Variants in AGO2 observed in about 807,000 individuals in gnomAD.
AGO2 encodes protein argonaute-2.
In AGO2, 5 loss-of-function variants were observed where a neutral mutation model predicts 102.3. The ratio of observed to expected loss-of-function variants is 0.05; its 90% CI spans 0.03 to 0.10. AGO2 has a LOEUF of 0.10. Ranked by LOEUF, AGO2 falls within the 10% of genes least tolerant of loss-of-function variation. AGO2 has a pLI of 1.00. For missense variants in AGO2, 541 were observed against 1,183.7 expected, an observed-to-expected ratio of 0.46 and a Z score of 7.97; for synonymous variants, 449 against 473.1, an observed-to-expected ratio of 0.95 and a Z score of 0.66.
chr8:140,549,985 G>A (rs1391965595), intron 11 of AGO2, among the ~76,000 whole-genome samples: 2 of 152,200 alleles, frequency 1.3e-5, no homozygotes, highest in African/African-American at 4.8e-5. Flanking sequence ...CCAATTTCCT[G>A]TACATTAGAT....
chr8:140,539,487 A>T lies in AGO2; in HGVS notation c.2035-33T>A. ...TACGGGAGGGAGGAGGTTGTGCTTA[A>T]AGATGGTAGTGCATGTGAGCAACGG... is the stretch of plus-strand genomic sequence containing the variant. On this transcript the variant is annotated intron_variant, in intron 15 of 18. Coordinates refer to ENST00000220592, the MANE Select transcript of AGO2 (RefSeq NM_012154.5). The surrounding 1 kb of genome is among the most constrained non-coding windows in gnomAD (Gnocchi z 4.7). The T allele has an allele frequency of 1.3e-6, 2 of 1,593,462 alleles. No homozygotes were observed. Among genetic ancestry groups the T allele is most frequent in the South Asian group, 1.1e-5 (1 of 88,590 alleles).
chr8:140,585,790 G>A (rs1385975416), intron 1 of AGO2, among the ~76,000 whole-genome samples: 4 of 152,050 alleles, frequency 2.6e-5, no homozygotes, highest in South Asian at 4.1e-4. Context: ...ATAATAGAAC[G>A]CTTTCAATTT....
Position 140,589,994 on chromosome 8 carries a change from C to T in AGO2, c.23-4683G>A, listed in dbSNP as rs1345130174. 6.6e-6 allele frequency among the ~76,000 whole-genome samples: 1 copy of T among 152,226 alleles called. No homozygotes were observed. Among genetic ancestry groups the T allele is most frequent in the Non-Finnish European group, 1.5e-5 (1 of 68,044 alleles). ...ATGGCAGCTTTTTTGGTGAAATGGA[C>T]AGAGACGGTCTCAGAATGTGTGCTG... On this transcript the variant is annotated intron_variant, in intron 1 of 18. Coordinates refer to ENST00000220592, the MANE Select transcript of AGO2 (RefSeq NM_012154.5). The surrounding 1 kb of genome is among the most constrained non-coding windows in gnomAD (Gnocchi z 4.2).
At chr8:140,607,105 T>A (rs4961224) in intron 1 of AGO2, among the ~76,000 whole-genome samples, 2 of 151,766 alleles carry the variant, frequency 1.3e-5, no homozygotes, top group African/African-American at 4.8e-5. Flanking sequence ...CGAAATTAGC[T>A]GGGCGTGGTG....
In AGO2 at chr8:140,633,716, C is replaced by T. The variant is rs189266011; in HGVS notation, c.22+1769G>A. ...GGTTATAGGGCTTGAAAGGGACTGC[C>T]CTGAGGAAGGCACCCAGAGAACCAG... On this transcript the variant is annotated intron_variant, in intron 1 of 18. Coordinates refer to ENST00000220592, the MANE Select transcript of AGO2 (RefSeq NM_012154.5). Among the ~76,000 whole-genome samples the T allele has an allele frequency of 6.6e-5, 10 of 152,260 alleles. No individual in the cohort carries two copies. In the East Asian group the frequency reaches 1.9e-3, roughly 29 times the overall value.
chr8:140,630,236 A>C (rs1222157469), intron 1 of AGO2, among the ~76,000 whole-genome samples: 2 of 152,196 alleles, frequency 1.3e-5, no homozygotes, highest in Non-Finnish European at 2.9e-5. Context: ...AACGCATTGA[A>C]TCTGAGAGGC....
intron 1 of AGO2, among the ~76,000 whole-genome samples, chr8:140,588,660 G>A (rs1425893609): frequency 1.3e-5 from 2 of 150,722 alleles, no homozygotes; most frequent in Non-Finnish European, 3.0e-5. Flanking sequence ...AGGAGGGAGG[G>A]AGGGAAGGAA....
intron 1 of AGO2, among the ~76,000 whole-genome samples, chr8:140,586,729 G>T (rs948462497): frequency 4.6e-5 from 7 of 152,168 alleles, no homozygotes; most frequent in Non-Finnish European, 1.0e-4. Flanking sequence ...TTCTCTCTAC[G>T]CCACACCGGA....
At chr8:140,569,883 T>G (rs1243933267) in intron 3 of AGO2, among the ~76,000 whole-genome samples, 1 of 152,132 alleles carries the variant, frequency 6.6e-6, no homozygotes, top group Non-Finnish European at 1.5e-5. Context: ...ACGGGCCCCC[T>G]GTGCAGAGGC....
At position 140,539,123 on chromosome 8, in the gene AGO2, CA is replaced by C. The variant is rs1246218871; in HGVS notation, c.2169+196del. On this transcript the variant is annotated intron_variant, in intron 16 of 18. Coordinates refer to ENST00000220592, the MANE Select transcript of AGO2 (RefSeq NM_012154.5). The surrounding 1 kb of genome is among the most constrained non-coding windows in gnomAD (Gnocchi z 4.7). ...ATCTTAAAACCCTCCAAAACAACAA[CA>C]AAAAAGCTTCACCAAATCAAGGACA... is the stretch of plus-strand genomic sequence containing the variant. Among the ~76,000 whole-genome samples, 3 of 152,042 alleles carry C rather than the reference CA, an allele frequency of 2.0e-5. No individual in the cohort carries two copies. The highest frequency in any genetic ancestry group is 7.2e-5 in the African/African-American group (3 of 41,398).
At chr8:140,533,759 T>G (rs539376859) in intron 17 of AGO2, among the ~76,000 whole-genome samples, 1 of 149,456 alleles carries the variant, frequency 6.7e-6, no homozygotes, top group South Asian at 2.1e-4. Flanking sequence ...GTGAGCTGAG[T>G]ACACGCCACT....
At chr8:140,535,356 T>A (rs2072678317) in intron 17 of AGO2, 112 bp downstream of exon 17, 1 of 1,131,658 alleles carries the variant, frequency 8.8e-7, no homozygotes, top group Non-Finnish European at 1.3e-6. Context: ...ACTGCCTGTG[T>A]GGGCCCCTCA....
At chr8:140,535,421 C>A in intron 17 of AGO2, 47 bp downstream of exon 17, 1 of 1,588,512 alleles carries the variant, frequency 6.3e-7, no homozygotes, top group Non-Finnish European at 8.6e-7. Context: ...GTGGGGATGA[C>A]ACGGCAGACG....
chr8:140,584,132 T>C (rs1205067129), intron 2 of AGO2, among the ~76,000 whole-genome samples: 3 of 94,692 alleles, frequency 3.2e-5, no homozygotes, highest in Non-Finnish European at 4.5e-5. Context: ...GACAAGAAAC[T>C]CAGTAAAAAA....
intron 2 of AGO2, among the ~76,000 whole-genome samples, chr8:140,574,716 CT>C (rs1182468879): frequency 2.0e-5 from 3 of 151,956 alleles, no homozygotes; most frequent in African/African-American, 7.3e-5. Flanking sequence ...TGCTTAACAT[CT>C]TGATTTTTTA....
In AGO2 at chr8:140,531,848, T is replaced by C; in HGVS notation, c.*196A>G. On this transcript the variant is annotated 3_prime_UTR_variant, in exon 19 of 19. Coordinates refer to ENST00000220592, the MANE Select transcript of AGO2 (RefSeq NM_012154.5). The stretch of plus-strand genomic sequence containing the variant: ...CCATATTTCCTATGACATTGGGTTC[T>C]CATACAGGTCTGCAGTTCAAAATCC... The C allele has an allele frequency of 1.8e-6, 1 of 553,112 alleles. No individual in the cohort carries two copies. The highest frequency in any genetic ancestry group is 2.2e-5 in the South Asian group (1 of 45,608). 34.3% of individuals were successfully genotyped at this position (553,112 alleles called of 1,614,324 possible). A position where few individuals can be genotyped will look rare whatever the true frequency, so the allele number is the denominator to read the frequency against.
At chr8:140,572,781 T>C in intron 3 of AGO2, 31 bp downstream of exon 3, 1 of 1,602,770 alleles carries the variant, frequency 6.2e-7, no homozygotes, top group Non-Finnish European at 8.5e-7. Context: ...CACCGTATGT[T>C]ACTCCACCAA....
At chr8:140,578,462 C>T (rs1008338773) in intron 2 of AGO2, among the ~76,000 whole-genome samples, 4 of 152,194 alleles carry the variant, frequency 2.6e-5, no homozygotes, top group Admixed American at 1.3e-4. Context: ...AGCCAGCCCA[C>T]GGAGCCACCT....
At chr8:140,586,469 G>T (rs751489450) in intron 1 of AGO2, among the ~76,000 whole-genome samples, 4 of 152,234 alleles carry the variant, frequency 2.6e-5, no homozygotes, top group Non-Finnish European at 4.4e-5. Context: ...CTGGGTGACA[G>T]AGCGAGACTC....
Sources: allele counts gnomAD v4.1 joint callset (sites outside exome capture counted in the v4.1 genomes callset), GRCh38; gene constraint gnomAD v4.1.1; non-coding constraint Gnocchi (gnomAD v3.1); transcripts MANE v1.5; gene names NCBI Gene and HGNC (gene_info 2026-07-23, HGNC 2026-07-21).